Variants in UMAD1 observed in about 807,000 individuals in gnomAD.
The protein encoded by UMAD1 is UBAP1-MVB12-associated (UMA)-domain containing protein 1.
A neutral mutation model predicts 6.1 loss-of-function variants in UMAD1; 8 were observed. The ratio of observed to expected loss-of-function variants is 1.30; its 90% CI spans 0.76 to 2.35. The LOEUF (loss-of-function observed/expected upper bound fraction) is 2.35. UMAD1 is among the 30% of genes most tolerant of loss of function. The probability of loss-of-function intolerance (pLI) is 0.00; values close to 1 mark genes in which losing one functional copy is unlikely to be tolerated. For missense variants in UMAD1, 130 were observed against 78.4 expected (o/e 1.66, Z -2.49); for synonymous variants, 56 against 31.4 (o/e 1.78, Z -2.61).
intron 2 of UMAD1, among the ~76,000 whole-genome samples, chr7:7,704,938 C>T (rs906866805): frequency 6.6e-6 from 1 of 152,050 alleles, no homozygotes; most frequent in Non-Finnish European, 1.5e-5. Flanking sequence ...CAGTATTCAT[C>T]ATCTGAATGA....
intron 2 of UMAD1, among the ~76,000 whole-genome samples, chr7:7,698,051 C>T (rs1780360569): frequency 6.6e-6 from 1 of 152,158 alleles, no homozygotes. Context: ...TAGAGAATTT[C>T]TGCACTTCAC....
In UMAD1 at chr7:7,731,818, C is replaced by T. The variant is rs17136833; in HGVS notation, c.82+58365C>T. On this transcript the variant is annotated intron_variant, in intron 2 of 3. Transcript: ENST00000682710. ...AAAAGAAGCCTTAAGTATAAAAATA[C>T]CATAATCAGGAGAAGTGTAGTAGCT... Among the ~76,000 whole-genome samples the T allele has an allele frequency of 5.3e-3, 803 of 152,118 alleles. 8 individuals carry two copies. The highest frequency in any genetic ancestry group is 0.019 in the African/African-American group (768 of 41,510).
chr7:7,797,417 T>C (rs1782708230), intron 2 of UMAD1, among the ~76,000 whole-genome samples: 2 of 152,182 alleles, frequency 1.3e-5, no homozygotes, highest in Admixed American at 1.3e-4. Flanking sequence ...GAACCTATTA[T>C]GGTTACATTA....
chr7:7,662,147 G>A (rs191782466), intron 1 of UMAD1, among the ~76,000 whole-genome samples: 7 of 152,276 alleles, frequency 4.6e-5, no homozygotes, highest in Admixed American at 3.3e-4. Context: ...AGTAATGGCA[G>A]ATGCCCTTCC....
intron 2 of UMAD1, among the ~76,000 whole-genome samples, chr7:7,776,342 A>G (rs991213670): frequency 6.6e-6 from 1 of 152,192 alleles, no homozygotes; most frequent in African/African-American, 2.4e-5. Context: ...GGGGAATGAG[A>G]GTGCAAAAAG....
intron 3 of UMAD1, among the ~76,000 whole-genome samples, chr7:7,831,007 G>A (rs976467598): frequency 6.6e-6 from 1 of 152,040 alleles, no homozygotes; most frequent in Admixed American, 6.6e-5. Context: ...ATCAATGCTT[G>A]TATTTCTCTG....
At chr7:7,642,340 G>C (rs1405474283) in intron 1 of UMAD1, among the ~76,000 whole-genome samples, 6 of 151,492 alleles carry the variant, frequency 4.0e-5, no homozygotes, top group African/African-American at 1.5e-4. Flanking sequence ...TTTTTGTTCA[G>C]ATGGGGCCTC....
At chr7:7,778,515 C>T (rs1254437342) in intron 2 of UMAD1, among the ~76,000 whole-genome samples, 1 of 151,584 alleles carries the variant, frequency 6.6e-6, no homozygotes, top group African/African-American at 2.4e-5. Context: ...TTTCAACCTT[C>T]TGTGATCATC....
chr7:7,769,075 C>A (rs1200411463), intron 2 of UMAD1, among the ~76,000 whole-genome samples: 2 of 152,158 alleles, frequency 1.3e-5, no homozygotes, highest in East Asian at 3.8e-4. Context: ...ACACCAAGAC[C>A]AGATGTCCCT....
chr7:7,741,354 G>A (rs1201448866), intron 2 of UMAD1, among the ~76,000 whole-genome samples: 1 of 151,734 alleles, frequency 6.6e-6, no homozygotes, highest in African/African-American at 2.4e-5. Flanking sequence ...GGAGGATCAC[G>A]AGGTCAGGAG....
At chr7:7,707,125 A>G (rs1780622452) in intron 2 of UMAD1, among the ~76,000 whole-genome samples, 1 of 152,174 alleles carries the variant, frequency 6.6e-6, no homozygotes, top group African/African-American at 2.4e-5. Context: ...GGTTGGTAGG[A>G]TTGCTGTTTG....
intron 2 of UMAD1, among the ~76,000 whole-genome samples, chr7:7,770,755 T>G (rs1023099392): frequency 2.6e-5 from 4 of 151,652 alleles, no homozygotes; most frequent in African/African-American, 9.7e-5. Context: ...TAAAGTATAA[T>G]AAAAAAAATG....
intron 3 of UMAD1, among the ~76,000 whole-genome samples, chr7:7,862,611 G>A (rs73061204): frequency 0.24 from 37,029 of 152,142 alleles, 5,526 homozygotes; most frequent in Non-Finnish European, 0.33. Context: ...CTGTTTTGCA[G>A]CCTTGGTTGT....
At chr7:7,711,788 C>A (rs1047107765) in intron 2 of UMAD1, among the ~76,000 whole-genome samples, 4 of 151,984 alleles carry the variant, frequency 2.6e-5, no homozygotes, top group Non-Finnish European at 4.4e-5. Flanking sequence ...AATGAAGAGA[C>A]ATTTTGATGT....
chr7:7,747,089 A>G (rs1422379035), intron 2 of UMAD1, among the ~76,000 whole-genome samples: 1 of 152,044 alleles, frequency 6.6e-6, no homozygotes, highest in African/African-American at 2.4e-5. Flanking sequence ...TAAGTAGGCA[A>G]AGTTGCCTTC....
At chr7:7,643,715 AAAAAAAAAAACAAACAAACG>A (rs762414742) in intron 1 of UMAD1, among the ~76,000 whole-genome samples, 3,262 of 59,414 alleles carry the variant, frequency 0.055, 73 homozygotes, top group Middle Eastern at 0.09. Flanking sequence ...CCCTCTCAAA[AAAAAAAAAAACAAACAAACG>A]AAAAAAAAAG....
chr7:7,865,891 C>T lies in UMAD1; in HGVS notation c.157-11390C>T, dbSNP rs563052575. Among the ~76,000 whole-genome samples, 10 of 152,282 alleles carry T rather than the reference C, an allele frequency of 6.6e-5. No individual in the cohort carries two copies. In the East Asian group the frequency reaches 1.9e-3, roughly 29 times the overall value. ...TGGGTCTGTAGGAAAAATCTTTCCC[C>T]AACAATTTCATCTACATTGTGGCAG... On this transcript the variant is annotated intron_variant, in intron 3 of 3. Coordinates refer to ENST00000682710, the MANE Select transcript of UMAD1 (RefSeq NM_001302348.2).
At chr7:7,848,911 T>C (rs755862528) in intron 3 of UMAD1, among the ~76,000 whole-genome samples, 23 of 152,196 alleles carry the variant, frequency 1.5e-4, no homozygotes, top group Non-Finnish European at 2.9e-5. Flanking sequence ...ACAATTTCTC[T>C]TGTTCTTTGA....
At chr7:7,828,409 A>G (rs1783390098) in intron 3 of UMAD1, among the ~76,000 whole-genome samples, 1 of 152,212 alleles carries the variant, frequency 6.6e-6, no homozygotes. Flanking sequence ...AATCTGTGGC[A>G]CAAACTCAAA....
Sources: gnomAD v4.1 joint callset for allele counts (sites outside exome capture counted in the v4.1 genomes callset) on GRCh38, gnomAD v4.1.1 for gene constraint, MANE v1.5 for transcripts, NCBI Gene and HGNC (gene_info 2026-07-23, HGNC 2026-07-21) for gene names.